CACNA2D3: variants seen among roughly 807,000 people sequenced by gnomAD.
CACNA2D3 encodes the protein voltage-dependent calcium channel subunit alpha-2/delta-3.
In CACNA2D3, 60 loss-of-function variants were observed where a neutral mutation model predicts 160.6. The observed-to-expected ratio is 0.37, with a 90% CI of 0.30 to 0.46. The LOEUF is 0.46. Ranked by LOEUF, CACNA2D3 falls within the 20% of genes least tolerant of loss-of-function variation. The pLI is 1.00. For synonymous variants in CACNA2D3, 558 were observed against 492.9 expected (o/e 1.13, Z -1.75); for missense variants, 1,205 against 1,365.0 (o/e 0.88, Z 1.85).
rs192317987 is a variant in CACNA2D3, at chr3:54,847,684, A to G, written c.1626+1217A>G. On this transcript the variant is annotated intron_variant, in intron 17 of 37. Transcript: ENST00000474759. ...AATCTTTTTATCAGAAAAGGACTGA[A>G]TTAACTAGTTGGCTAATTCCAAATG... Among the ~76,000 whole-genome samples the G allele has an allele frequency of 2.0e-5, 3 of 152,376 alleles. No individual in the cohort carries two copies. The East Asian group carries it at 5.8e-4, about 29-fold the overall frequency.
intron 9 of CACNA2D3, among the ~76,000 whole-genome samples, chr3:54,595,294 C>T (rs1702931313): frequency 6.6e-6 from 1 of 150,568 alleles, no homozygotes; most frequent in Admixed American, 6.6e-5. Context: ...GACAGGTCTG[C>T]TGAAAGCTCT....
Position 54,808,524 on chromosome 3 carries a change from C to T in CACNA2D3, c.1381-8329C>T, listed in dbSNP as rs547490147. On this transcript the variant is annotated intron_variant, in intron 13 of 37. Coordinates refer to ENST00000474759, the MANE Select transcript of CACNA2D3 (RefSeq NM_018398.3). ...GTCTCGATTAGACTAGATTAGGTCA[C>T]ACGTCTACCCTGAGCCAGTTGCTGT... Among the ~76,000 whole-genome samples, 58 of 152,246 alleles carry T rather than the reference C, an allele frequency of 3.8e-4. 1 individual carries two copies. The highest frequency in any genetic ancestry group is 1.0e-3 in the South Asian group (5 of 4,814).
intron 4 of CACNA2D3, among the ~76,000 whole-genome samples, chr3:54,417,819 T>G (rs920640395): frequency 6.7e-6 from 1 of 149,154 alleles, no homozygotes; most frequent in African/African-American, 2.5e-5. Flanking sequence ...GGGGGGTTAC[T>G]CCTGTCACCC....
At chr3:55,073,651 A>AGG in intron 36 of CACNA2D3, 94 bp downstream of exon 36, 1 of 1,270,958 alleles carries the variant, frequency 7.9e-7, no homozygotes, top group Non-Finnish European at 1.1e-6. Flanking sequence ...TAGAGAAGGA[A>AGG]AATTACATCC....
At chr3:54,168,241 C>G (rs904668917) in intron 2 of CACNA2D3, among the ~76,000 whole-genome samples, 1 of 152,166 alleles carries the variant, frequency 6.6e-6, no homozygotes, top group Non-Finnish European at 1.5e-5. Flanking sequence ...ATCTGGGACA[C>G]TAGGTTCTCC....
intron 2 of CACNA2D3, among the ~76,000 whole-genome samples, chr3:54,177,208 A>G (rs186846239): frequency 6.6e-6 from 1 of 152,268 alleles, no homozygotes; most frequent in African/African-American, 2.4e-5. Flanking sequence ...CATAAATACC[A>G]TCTATCTAAC....
intron 35 of CACNA2D3, among the ~76,000 whole-genome samples, chr3:55,027,494 T>C (rs1703587829): frequency 6.6e-6 from 1 of 152,186 alleles, no homozygotes; most frequent in African/African-American, 2.4e-5. Context: ...GCCAGCATGA[T>C]TGGTGGCATC....
intron 35 of CACNA2D3, among the ~76,000 whole-genome samples, chr3:55,063,365 T>C (rs1344250362): frequency 1.3e-5 from 2 of 151,252 alleles, no homozygotes; most frequent in Non-Finnish European, 2.9e-5. Context: ...TTGAAGGATG[T>C]TGGAATCACT....
chr3:54,563,930 A>G (rs1216551036), intron 6 of CACNA2D3, among the ~76,000 whole-genome samples: 1 of 152,180 alleles, frequency 6.6e-6, no homozygotes, highest in Admixed American at 6.5e-5. Context: ...CCCAAGAGTC[A>G]TGTTCAGCAT....
chr3:55,017,806 A>G (rs1022024713), intron 34 of CACNA2D3, among the ~76,000 whole-genome samples: 3 of 152,228 alleles, frequency 2.0e-5, no homozygotes, highest in African/African-American at 7.2e-5. Context: ...TTTCTATAAT[A>G]AAACCATGCA....
At chr3:54,863,237 C>T (rs755784754) in intron 17 of CACNA2D3, among the ~76,000 whole-genome samples, 1 of 152,144 alleles carries the variant, frequency 6.6e-6, no homozygotes, top group Non-Finnish European at 1.5e-5. Flanking sequence ...ACTTTAGAGA[C>T]GGTTTTGTTT....
At chr3:54,785,422 A>T (rs990883427) in intron 13 of CACNA2D3, among the ~76,000 whole-genome samples, 2 of 152,176 alleles carry the variant, frequency 1.3e-5, no homozygotes, top group Non-Finnish European at 2.9e-5. Flanking sequence ...CAAAACTTGT[A>T]CATGTGCATG....
intron 3 of CACNA2D3, among the ~76,000 whole-genome samples, chr3:54,376,672 A>G (rs1699017927): frequency 6.6e-6 from 1 of 152,118 alleles, no homozygotes; most frequent in Admixed American, 6.5e-5. Context: ...CCTTAGTGTA[A>G]TTCTTCCCAC....
chr3:54,465,410 A>G (rs1342261249), intron 4 of CACNA2D3, among the ~76,000 whole-genome samples: 5 of 152,150 alleles, frequency 3.3e-5, no homozygotes, highest in African/African-American at 9.7e-5. Flanking sequence ...AGTTATTGTT[A>G]ATCTCTTACT....
intron 13 of CACNA2D3, among the ~76,000 whole-genome samples, chr3:54,815,879 A>T (rs1026230265): frequency 1.3e-5 from 2 of 152,216 alleles, no homozygotes; most frequent in Non-Finnish European, 2.9e-5. Context: ...TAATGATGTA[A>T]TTCTTAGATT....
At chr3:54,430,410 C>T (rs1351013022) in intron 4 of CACNA2D3, among the ~76,000 whole-genome samples, 2 of 152,142 alleles carry the variant, frequency 1.3e-5, no homozygotes, top group Non-Finnish European at 2.9e-5. Context: ...ATTCTCTATG[C>T]GGATATTATG....
rs146889535 is a variant in CACNA2D3, at chr3:54,885,694, A to G, written c.2056+108A>G. ...TAAGGGAAGCTTTGCTTTGGCAGAG[A>G]TTATCAGTCACATGAAATCTAATCA... On this transcript the variant is annotated intron_variant, in intron 23 of 37. Transcript: ENST00000474759. The G allele has an allele frequency of 1.0e-3, 732 of 733,452 alleles. 17 individuals carry two copies. In the East Asian group the frequency reaches 0.019, roughly 19 times the overall value. 45.4% of individuals were successfully genotyped at this position (733,452 alleles called of 1,614,324 possible). A position where few individuals can be genotyped will look rare whatever the true frequency, so the allele number is the denominator to read the frequency against.
intron 2 of CACNA2D3, among the ~76,000 whole-genome samples, chr3:54,151,305 G>T (rs779783691): frequency 6.6e-6 from 1 of 152,074 alleles, no homozygotes; most frequent in African/African-American, 2.4e-5. Context: ...ACGGATAATG[G>T]ATGGATGGGT....
chr3:54,401,184 A>G (rs1213018127), intron 4 of CACNA2D3, among the ~76,000 whole-genome samples: 1 of 152,158 alleles, frequency 6.6e-6, no homozygotes, highest in African/African-American at 2.4e-5. Flanking sequence ...TTTTGAAATT[A>G]CCTAGTCAAC....
Sources: gnomAD v4.1 joint callset for allele counts (sites outside exome capture counted in the v4.1 genomes callset) on GRCh38, gnomAD v4.1.1 for gene constraint, MANE v1.5 for transcripts, NCBI Gene and HGNC (gene_info 2026-07-23, HGNC 2026-07-21) for gene names.